DMD: variants seen among roughly 807,000 people sequenced by gnomAD.
DMD encodes dystrophin.
A neutral mutation model predicts 330.1 loss-of-function variants in DMD; 63 were observed. That is an observed-to-expected ratio of 0.19 (90% confidence interval 0.16 to 0.24). DMD has a LOEUF of 0.24. DMD is among the 10% of genes least tolerant of loss of function. DMD has a pLI of 1.00. For missense variants in DMD, 3,344 were observed against 2,684.1 expected, an observed-to-expected ratio of 1.25 and a Z score of -5.43; for synonymous variants, 1,223 against 959.8, an observed-to-expected ratio of 1.27 and a Z score of -5.07.
At chrX:32,512,887 G>A (rs2045480574) in intron 18 of DMD, among the ~76,000 whole-genome samples, 1 of 111,580 alleles carries the variant, frequency 9.0e-6, no homozygotes, top group Non-Finnish European at 1.9e-5. Flanking sequence ...GCTTTGTTTT[G>A]ATTGGATGTT....
In DMD at chrX:32,287,844, G is replaced by T. The variant is rs6631537; in HGVS notation, c.6118-143C>A. On this transcript the variant is annotated intron_variant, in intron 42 of 78. Transcript: ENST00000357033. ...TTGACTTTTTAAAGTTAATAACCAT[G>T]AAGTCCAGTGACTTTGACATGTTCA... The T allele has an allele frequency of 0.21, 88,101 of 410,495 alleles. 7,795 individuals carry two copies. The highest frequency in any genetic ancestry group is 0.43 in the East Asian group (9,542 of 22,421). 33.8% of individuals were successfully genotyped at this position (410,495 alleles called of 1,213,427 possible). A position where few individuals can be genotyped will look rare whatever the true frequency, so the allele number is the denominator to read the frequency against.
At chrX:32,658,997 G>T (rs184756171) in intron 9 of DMD, among the ~76,000 whole-genome samples, 33 of 111,786 alleles carry the variant, frequency 3.0e-4, no homozygotes, top group African/African-American at 1.0e-3. Flanking sequence ...AACATACAGC[G>T]ATTGTATTGA....
At chrX:32,793,285 A>T in intron 7 of DMD, among the ~76,000 whole-genome samples, 1 of 111,290 alleles carries the variant, frequency 9.0e-6, no homozygotes, top group East Asian at 2.8e-4. Context: ...GATATGGCAA[A>T]AGCAGTGCTA....
chrX:32,802,837 G>A (rs2076676531), intron 7 of DMD, among the ~76,000 whole-genome samples: 1 of 111,613 alleles, frequency 9.0e-6, no homozygotes, highest in Non-Finnish European at 1.9e-5. Context: ...TGATCATGGT[G>A]GATAACCTTT....
At chrX:31,797,015 A>G (rs1302706006) in intron 50 of DMD, among the ~76,000 whole-genome samples, 3 of 112,031 alleles carry the variant, frequency 2.7e-5, no homozygotes, top group Non-Finnish European at 5.6e-5. Flanking sequence ...CTGCAGAACC[A>G]TGAGCCAAAT....
At position 32,858,568 on chromosome X, in the gene DMD, T is replaced by A. The variant is rs2081798793; in HGVS notation, c.94-8748A>T. Among the ~76,000 whole-genome samples, 3 of 111,603 alleles carry A rather than the reference T, an allele frequency of 2.7e-5. No individual in the cohort carries two copies. In the Admixed American group the frequency reaches 2.9e-4, roughly 11 times the overall value. On this transcript the variant is annotated intron_variant, in intron 2 of 78. Coordinates refer to ENST00000357033, the MANE Select transcript of DMD (RefSeq NM_004006.3). Reference sequence around the variant, plus strand: ...TTGTCTCCATCTCTTGACCTTGTGATCCGCCTCCCTCAGCTTCCCAAAGTA... The same window carrying A: ...TTGTCTCCATCTCTTGACCTTGTGAACCGCCTCCCTCAGCTTCCCAAAGTA...
chrX:32,182,950 C>T (rs913107931), intron 44 of DMD, among the ~76,000 whole-genome samples: 7 of 111,210 alleles, frequency 6.3e-5, no homozygotes, highest in African/African-American at 2.3e-4. Context: ...AGGGAATTAA[C>T]AATGATCAAA....
At chrX:32,105,737 C>T (rs1369383468) in intron 44 of DMD, among the ~76,000 whole-genome samples, 1 of 111,528 alleles carries the variant, frequency 9.0e-6, no homozygotes, top group Non-Finnish European at 1.9e-5. Context: ...GCTAATAAGT[C>T]ATATTTGATA....
intron 55 of DMD, among the ~76,000 whole-genome samples, chrX:31,509,719 T>C (rs1386096021): frequency 7.1e-5 from 8 of 112,214 alleles, no homozygotes; most frequent in Admixed American, 6.6e-4. Flanking sequence ...TTGCCATATA[T>C]ATTATACTGC....
intron 1 of DMD, among the ~76,000 whole-genome samples, chrX:33,070,669 CTCTCTATATA>C (rs1488133838): frequency 1.9e-3 from 89 of 45,643 alleles, no homozygotes; most frequent in African/African-American, 5.0e-3. Flanking sequence ...CTCTCTCTCT[CTCTCTATATA>C]TATATATATA....
intron 49 of DMD, among the ~76,000 whole-genome samples, chrX:31,829,336 C>A (rs2092965739): frequency 9.1e-6 from 1 of 110,193 alleles, no homozygotes; most frequent in Non-Finnish European, 1.9e-5. Context: ...TAGAACTCAT[C>A]CATGTAACCA....
chrX:31,514,225 G>A (rs1185785361), intron 55 of DMD, among the ~76,000 whole-genome samples: 8 of 111,725 alleles, frequency 7.2e-5, no homozygotes, highest in East Asian at 2.8e-4. Context: ...GGGTGCAAAC[G>A]AAACAAATAA....
intron 44 of DMD, among the ~76,000 whole-genome samples, chrX:31,985,537 A>C (rs951038171): frequency 8.9e-6 from 1 of 112,602 alleles, no homozygotes; most frequent in South Asian, 3.6e-4. Flanking sequence ...TTGATTGACA[A>C]CCAACAGTAA....
chrX:32,618,805 C>G, intron 11 of DMD, among the ~76,000 whole-genome samples: 1 of 110,689 alleles, frequency 9.0e-6, no homozygotes, highest in East Asian at 2.8e-4. Flanking sequence ...GTATTACGTA[C>G]CTGCAAAAGT....
rs371629899 is a variant in DMD at position 32,058,117 on chromosome X, A to G, written c.6439-89603T>C. Among the ~76,000 whole-genome samples the G allele has an allele frequency of 5.1e-4, 57 of 111,610 alleles. 1 individual carries two copies. The South Asian group carries it at 0.019, about 38-fold the overall frequency. On this transcript the variant is annotated intron_variant, in intron 44 of 78. Coordinates refer to ENST00000357033, the MANE Select transcript of DMD (RefSeq NM_004006.3). ...TAAAGACTTAAAAATAAGATCTGAA[A>G]CTATGAAACTCATAGAAGAAAACAT...
chrX:32,518,143 A>G lies in DMD; in HGVS notation c.2169-12T>C, dbSNP rs1423848305. On this transcript the variant is annotated splice_polypyrimidine_tract_variant and intron_variant, in intron 17 of 78. Transcript: ENST00000357033. ...TATCAACATCCAACCTAAGACAGCA[A>G]AAAATAAAAGTCATTATTTCTTGAT... 5 of 1,203,419 alleles carry G rather than the reference A, an allele frequency of 4.2e-6. No individual in the cohort carries two copies. Among genetic ancestry groups the G allele is most frequent in the Non-Finnish European group, 5.6e-6 (5 of 888,492 alleles).
intron 43 of DMD, among the ~76,000 whole-genome samples, chrX:32,255,976 A>G (rs1295760192): frequency 9.0e-6 from 1 of 111,637 alleles, no homozygotes; most frequent in Non-Finnish European, 1.9e-5. Flanking sequence ...TTGGATTTAA[A>G]ATATAACAGA....
chrX:32,033,592 AGAC>A (rs2095904679), intron 44 of DMD, among the ~76,000 whole-genome samples: 2 of 37,113 alleles, frequency 5.4e-5, no homozygotes, highest in South Asian at 1.3e-3. Flanking sequence ...AAAACAAGAC[AGAC>A]AGACAGACAG....
At chrX:32,394,961 C>A (rs1436718580) in intron 30 of DMD, among the ~76,000 whole-genome samples, 3 of 99,991 alleles carry the variant, frequency 3.0e-5, no homozygotes, top group Non-Finnish European at 6.0e-5. Flanking sequence ...AGTATCCTCA[C>A]CACCACAGAT....
Sources: gnomAD v4.1 joint callset for allele counts (sites outside exome capture counted in the v4.1 genomes callset) on GRCh38, gnomAD v4.1.1 for gene constraint, MANE v1.5 for transcripts, NCBI Gene and HGNC (gene_info 2026-07-23, HGNC 2026-07-21) for gene names.